Variants in PIGL observed in about 807,000 individuals in gnomAD.
The protein encoded by PIGL is N-acetylglucosaminyl-phosphatidylinositol de-N-acetylase.
In PIGL, 22 loss-of-function variants were observed where a neutral mutation model predicts 31.1. The ratio of observed to expected loss-of-function variants is 0.71; its 90% CI spans 0.51 to 1.01. The LOEUF is 1.01. PIGL is among the 50% of genes least tolerant of loss of function. PIGL has a pLI of 0.00. For missense variants in PIGL, 302 were observed against 315.9 expected, an observed-to-expected ratio of 0.96 and a Z score of 0.33; for synonymous variants, 131 against 117.4, an observed-to-expected ratio of 1.12 and a Z score of -0.75.
intron 2 of PIGL, among the ~76,000 whole-genome samples, chr17:16,264,107 G>A (rs1046000512): frequency 2.0e-5 from 3 of 148,926 alleles, no homozygotes; most frequent in Non-Finnish European, 4.5e-5. Context: ...CTGCTTCCTG[G>A]GTTTAAGCAA....
intron 2 of PIGL, among the ~76,000 whole-genome samples, chr17:16,256,602 A>G (rs1182080652): frequency 6.6e-6 from 1 of 152,080 alleles, no homozygotes; most frequent in Non-Finnish European, 1.5e-5. Context: ...TGCCTGCCTC[A>G]GCCTCCCAAA....
chr17:16,253,903 A>G (rs553311652), intron 2 of PIGL, among the ~76,000 whole-genome samples: 6 of 152,102 alleles, frequency 3.9e-5, no homozygotes, highest in Non-Finnish European at 5.9e-5. Context: ...TGATCATGCC[A>G]CTGTACTCCC....
At chr17:16,284,782 G>T (rs1288960742) in intron 2 of PIGL, among the ~76,000 whole-genome samples, 2 of 152,154 alleles carry the variant, frequency 1.3e-5, no homozygotes, top group African/African-American at 4.8e-5. Context: ...ATTCCAGAAT[G>T]CTACGGGAGA....
At chr17:16,246,949 A>G (rs577947542) in intron 2 of PIGL, among the ~76,000 whole-genome samples, 104 of 150,756 alleles carry the variant, frequency 6.9e-4, no homozygotes, top group Non-Finnish European at 1.4e-3. Flanking sequence ...TCGGCCTCCC[A>G]AAGTGCTGGG....
At chr17:16,325,593 A>G (rs1490449516) in intron 6 of PIGL, among the ~76,000 whole-genome samples, 1 of 152,172 alleles carries the variant, frequency 6.6e-6, no homozygotes, top group Non-Finnish European at 1.5e-5. Context: ...GTGTGTTATA[A>G]TCACAGGTAG....
intron 3 of PIGL, among the ~76,000 whole-genome samples, chr17:16,304,331 C>T (rs1242869330): frequency 6.6e-6 from 1 of 152,194 alleles, no homozygotes; most frequent in Non-Finnish European, 1.5e-5. Flanking sequence ...ATAAGCTCTC[C>T]ACCATCATCC....
intron 1 of PIGL, among the ~76,000 whole-genome samples, chr17:16,219,769 A>T (rs1315095333): frequency 6.6e-6 from 1 of 151,280 alleles, no homozygotes; most frequent in African/African-American, 2.4e-5. Context: ...TTTTGCTGGG[A>T]TAGCCAGGCT....
Position 16,217,472 on chromosome 17 carries a change from A to G in PIGL, c.235+11A>G. The G allele has an allele frequency of 6.2e-7, 1 of 1,602,072 alleles. No homozygotes were observed. The highest frequency in any genetic ancestry group is 1.3e-5 in the African/African-American group (1 of 74,816). Reference sequence around the variant, plus strand: ...TTTGCTTCTCTGCAGGTAGGAGGCCATAGGAGGGGCGATGGGAGCCGGGGC... The same window carrying G: ...TTTGCTTCTCTGCAGGTAGGAGGCCGTAGGAGGGGCGATGGGAGCCGGGGC... On this transcript the variant is annotated intron_variant, in intron 1 of 6. Coordinates refer to ENST00000225609, the MANE Select transcript of PIGL (RefSeq NM_004278.4).
At chr17:16,304,108 C>T (rs2093016832) in intron 3 of PIGL, among the ~76,000 whole-genome samples, 1 of 152,140 alleles carries the variant, frequency 6.6e-6, no homozygotes, top group Non-Finnish European at 1.5e-5. Flanking sequence ...CACTTAGTGC[C>T]ATAGTAGAAG....
At chr17:16,304,810 G>A (rs2093019913) in intron 3 of PIGL, among the ~76,000 whole-genome samples, 1 of 152,150 alleles carries the variant, frequency 6.6e-6, no homozygotes, top group Admixed American at 6.5e-5. Flanking sequence ...ATACAACAGT[G>A]AGCCAGAAGC....
At chr17:16,293,399 G>T (rs936144933) in intron 2 of PIGL, among the ~76,000 whole-genome samples, 5 of 152,162 alleles carry the variant, frequency 3.3e-5, no homozygotes, top group African/African-American at 1.2e-4. Context: ...GTGGTGGCGG[G>T]CGCCTGTAGT....
intron 3 of PIGL, among the ~76,000 whole-genome samples, chr17:16,304,720 C>G (rs1194807384): frequency 6.6e-6 from 1 of 152,168 alleles, no homozygotes; most frequent in Non-Finnish European, 1.5e-5. Context: ...TGGGCCTCAA[C>G]CCCTCTACCT....
At chr17:16,261,118 CAAA>C (rs34019457) in intron 2 of PIGL, among the ~76,000 whole-genome samples, 35 of 118,914 alleles carry the variant, frequency 2.9e-4, no homozygotes, top group Admixed American at 4.5e-4. Flanking sequence ...GACTCTATCT[CAAA>C]AAAAAAAAAA....
At chr17:16,293,482 C>T (rs952012586) in intron 2 of PIGL, among the ~76,000 whole-genome samples, 4 of 152,138 alleles carry the variant, frequency 2.6e-5, no homozygotes, top group African/African-American at 7.2e-5. Flanking sequence ...GAGCCGAGAT[C>T]GCACCACTGC....
At chr17:16,314,667 A>G (rs2093068297) in intron 4 of PIGL, among the ~76,000 whole-genome samples, 1 of 152,210 alleles carries the variant, frequency 6.6e-6, no homozygotes, top group South Asian at 2.1e-4. Context: ...TGTAAAGACT[A>G]TTCGGTTCCT....
intron 2 of PIGL, among the ~76,000 whole-genome samples, chr17:16,270,289 C>CA (rs11415569): frequency 0.92 from 132,452 of 143,562 alleles, 61,355 homozygotes; most frequent in Non-Finnish European, 0.98. Context: ...AACTCCATGT[C>CA]AAAAAAAAAA....
intron 2 of PIGL, among the ~76,000 whole-genome samples, chr17:16,284,278 G>A (rs11651578): frequency 0.4 from 61,340 of 151,928 alleles, 13,809 homozygotes; most frequent in Middle Eastern, 0.52. Context: ...CGCCTAGCCC[G>A]AAAGTTGCTT....
chr17:16,241,318 G>GTGGCTCAGGCCTGTAATTCCAGCACTT (rs2092722446), intron 2 of PIGL, among the ~76,000 whole-genome samples: 1 of 151,792 alleles, frequency 6.6e-6, no homozygotes, highest in Admixed American at 6.6e-5. Context: ...GCTGGGTGCA[G>GTGGCTCAGGCCTGTAATTCCAGCACTT]TGGCTCAGGC....
At chr17:16,321,885 A>G (rs1292500308) in intron 6 of PIGL, among the ~76,000 whole-genome samples, 1 of 151,380 alleles carries the variant, frequency 6.6e-6, no homozygotes, top group African/African-American at 2.4e-5. Flanking sequence ...CCCGGGTTTA[A>G]GCGATTCTCC....
Sources: gnomAD v4.1 joint callset for allele counts (sites outside exome capture counted in the v4.1 genomes callset) on GRCh38, gnomAD v4.1.1 for gene constraint, MANE v1.5 for transcripts, NCBI Gene and HGNC (gene_info 2026-07-23, HGNC 2026-07-21) for gene names.